Variants in ADAMTSL3 observed in about 807,000 individuals in gnomAD.
The protein encoded by ADAMTSL3 is ADAMTS like 3, also known as ADAMTS-like protein 3.
A neutral mutation model predicts 201.7 loss-of-function variants in ADAMTSL3; 128 were observed. That is an observed-to-expected ratio of 0.63 (90% CI 0.55 to 0.73). The LOEUF (loss-of-function observed/expected upper bound fraction) is 0.73. ADAMTSL3 is among the 30% of genes least tolerant of loss of function. The pLI is 0.00. For missense variants in ADAMTSL3, 1,990 were observed against 2,119.6 expected, an observed-to-expected ratio of 0.94 and a Z score of 1.20; for synonymous variants, 738 against 748.4, an observed-to-expected ratio of 0.99 and a Z score of 0.23.
At chr15:83,987,865 A>AG (rs1375611919) in intron 21 of ADAMTSL3, among the ~76,000 whole-genome samples, 2 of 152,182 alleles carry the variant, frequency 1.3e-5, no homozygotes, top group African/African-American at 4.8e-5. Flanking sequence ...GAGATGGGGC[A>AG]GGGGAAAAAT....
intron 9 of ADAMTSL3, among the ~76,000 whole-genome samples, chr15:83,877,841 T>C (rs2065204964): frequency 1.3e-5 from 2 of 152,218 alleles, no homozygotes; most frequent in Non-Finnish European, 1.5e-5. Flanking sequence ...TATTTTGATG[T>C]TACTATAAAT....
In ADAMTSL3 at chr15:84,031,948, T is replaced by C. The variant is rs1208150988; in HGVS notation, c.4754+516T>C. 2.0e-5 allele frequency among the ~76,000 whole-genome samples: 3 copies of C among 152,142 alleles called. No individual in the cohort carries two copies. The East Asian group carries it at 5.8e-4, about 29-fold the overall frequency. ...TTTTATAAAAGTCTGAGCTGGTAGA[T>C]GGTTTAGGGATAGAAGAGCTTTTTT... On this transcript the variant is annotated intron_variant, in intron 28 of 29. Transcript: ENST00000286744.
chr15:83,798,097 A>AG (rs1233935774), intron 4 of ADAMTSL3, among the ~76,000 whole-genome samples: 3 of 150,040 alleles, frequency 2.0e-5, no homozygotes, highest in South Asian at 4.2e-4. Flanking sequence ...CAGTTTTCAG[A>AG]GAAAAAAAAA....
At chr15:83,657,544 A>G (rs1204262091) in intron 2 of ADAMTSL3, among the ~76,000 whole-genome samples, 1 of 152,250 alleles carries the variant, frequency 6.6e-6, no homozygotes, top group Non-Finnish European at 1.5e-5. Flanking sequence ...AGGAGATAAT[A>G]TTAGTATAGA....
At chr15:83,832,324 G>T (rs1344207531) in intron 6 of ADAMTSL3, among the ~76,000 whole-genome samples, 1 of 152,032 alleles carries the variant, frequency 6.6e-6, no homozygotes, top group Non-Finnish European at 1.5e-5. Flanking sequence ...GAGTTTCCAG[G>T]GTTTAAAGGG....
chr15:83,837,399 T>C (rs932046754), intron 6 of ADAMTSL3, among the ~76,000 whole-genome samples: 2 of 150,996 alleles, frequency 1.3e-5, no homozygotes, highest in Admixed American at 6.6e-5. Flanking sequence ...AGGACAGTGG[T>C]TGTTTTGGGG....
At chr15:83,997,403 T>C (rs1276800652) in intron 23 of ADAMTSL3, among the ~76,000 whole-genome samples, 1 of 151,836 alleles carries the variant, frequency 6.6e-6, no homozygotes, top group Non-Finnish European at 1.5e-5. Flanking sequence ...GCCTGGCCAA[T>C]ATGATGAAAC....
chr15:83,773,753 G>A lies in ADAMTSL3; in HGVS notation c.317+103G>A, dbSNP rs2063026835. The A allele has an allele frequency of 2.9e-6, 4 of 1,392,650 alleles. No homozygotes were observed. In the African/African-American group the frequency reaches 5.9e-5, roughly 20 times the overall value. 86.3% of individuals were successfully genotyped at this position (1,392,650 alleles called of 1,614,324 possible). Reference sequence around the variant, plus strand: ...ATATGGCTTTGGAATGTACTGTGATGATGGTGTAACGTTTGCTTTGTCTAA... The same window carrying A: ...ATATGGCTTTGGAATGTACTGTGATAATGGTGTAACGTTTGCTTTGTCTAA... On this transcript the variant is annotated intron_variant, in intron 4 of 29. Transcript: ENST00000286744.
intron 4 of ADAMTSL3, among the ~76,000 whole-genome samples, chr15:83,782,963 TAC>T: frequency 6.8e-6 from 1 of 146,310 alleles, no homozygotes; most frequent in African/African-American, 2.5e-5. Flanking sequence ...ATATTATATA[TAC>T]ATATATTATA....
intron 3 of ADAMTSL3, among the ~76,000 whole-genome samples, chr15:83,769,164 C>A (rs948156629): frequency 9.3e-5 from 14 of 151,228 alleles, no homozygotes; most frequent in Non-Finnish European, 1.6e-4. Flanking sequence ...ATGAACTGAA[C>A]AGATGGAATA....
chr15:83,998,313 G>A (rs911162111), intron 23 of ADAMTSL3, among the ~76,000 whole-genome samples: 3 of 152,186 alleles, frequency 2.0e-5, no homozygotes, highest in Non-Finnish European at 4.4e-5. Context: ...GCTGGGCATA[G>A]TGGTGCATGC....
At chr15:83,683,609 C>A (rs1278396137) in intron 2 of ADAMTSL3, among the ~76,000 whole-genome samples, 1 of 152,174 alleles carries the variant, frequency 6.6e-6, no homozygotes, top group Non-Finnish European at 1.5e-5. Context: ...CATATGGTAT[C>A]TGTCTGGAAG....
intron 3 of ADAMTSL3, among the ~76,000 whole-genome samples, chr15:83,760,470 GGTTA>G (rs1255158032): frequency 6.6e-6 from 1 of 151,994 alleles, no homozygotes; most frequent in Non-Finnish European, 1.5e-5. Context: ...ATTCTGAGAT[GGTTA>G]GTTGTAGCTT....
At chr15:83,773,387 A>T (rs998392516) in intron 3 of ADAMTSL3, 136 bp from the exon 4 acceptor site, 4 of 964,528 alleles carry the variant, frequency 4.1e-6, no homozygotes, top group Non-Finnish European at 6.0e-6. Context: ...CTGGGCAATA[A>T]GATCGAAGCT....
At chr15:83,931,136 A>G (rs770037448) in intron 17 of ADAMTSL3, among the ~76,000 whole-genome samples, 3 of 152,226 alleles carry the variant, frequency 2.0e-5, no homozygotes, top group Non-Finnish European at 4.4e-5. Flanking sequence ...AGCAGCTTGT[A>G]GAAGCATGCT....
chr15:83,746,953 G>C (rs2062557230), intron 3 of ADAMTSL3, among the ~76,000 whole-genome samples: 1 of 152,132 alleles, frequency 6.6e-6, no homozygotes, highest in African/African-American at 2.4e-5. Flanking sequence ...GTAATATATG[G>C]CAATAATATA....
At chr15:83,671,028 C>G (rs1006539197) in intron 2 of ADAMTSL3, among the ~76,000 whole-genome samples, 2 of 151,648 alleles carry the variant, frequency 1.3e-5, no homozygotes, top group African/African-American at 2.4e-5. Context: ...ATTAACTGTA[C>G]TTGGCCATGA....
In ADAMTSL3 at chr15:83,968,916, C is replaced by A. The variant is rs541409787; in HGVS notation, c.2491-1568C>A. On this transcript the variant is annotated intron_variant, in intron 19 of 29. Coordinates refer to ENST00000286744, the MANE Select transcript of ADAMTSL3 (RefSeq NM_207517.3). ...ACTAACACAGGAACAGAAAACCAAA[C>A]ACTGCACGTTCTCACTCTTAAGTGG... Among the ~76,000 whole-genome samples the A allele has an allele frequency of 9.9e-5, 15 of 152,214 alleles. No homozygotes were observed. In the South Asian group the frequency reaches 2.3e-3, roughly 23 times the overall value.
chr15:84,021,314 C>A (rs1386323079), intron 25 of ADAMTSL3, 96 bp from the exon 26 acceptor site: 1 of 1,411,450 alleles, frequency 7.1e-7, no homozygotes, highest in Non-Finnish European at 9.8e-7. Flanking sequence ...CTTAAAGAAC[C>A]AAAAAACATC....
Sources: allele counts gnomAD v4.1 joint callset (sites outside exome capture counted in the v4.1 genomes callset), GRCh38; gene constraint gnomAD v4.1.1; transcripts MANE v1.5; gene names NCBI Gene and HGNC (gene_info 2026-07-23, HGNC 2026-07-21).